The following ASPH variants were observed in gnomAD, a reference collection of about 807,000 sequenced individuals.
ASPH encodes aspartate beta-hydroxylase, also known as aspartyl/asparaginyl beta-hydroxylase.
A neutral mutation model predicts 118.4 loss-of-function variants in ASPH; 100 were observed. The ratio of observed to expected loss-of-function variants is 0.84; its 90% CI spans 0.72 to 1.00. The LOEUF (loss-of-function observed/expected upper bound fraction) is 1.00, where lower values mean the gene tolerates loss of function less well. Among genes scored for constraint, ASPH ranks in the 50% least tolerant of loss-of-function variants. The pLI is 0.00. For missense variants in ASPH, 920 were observed against 919.5 expected (o/e 1.00, Z -0.01); for synonymous variants, 315 against 325.6 (o/e 0.97, Z 0.35).
At chr8:61,661,677 C>A (rs780648048) in intron 3 of ASPH, 4 of 303,312 alleles carry the variant, frequency 1.3e-5, no homozygotes, top group Non-Finnish European at 2.4e-5. Context: ...TACTTCTTTT[C>A]TTTTTCAATG....
chr8:61,620,245 GAGA>G lies in ASPH; in HGVS notation c.935-1229_935-1227del, dbSNP rs562679573. 1.2e-3 allele frequency among the ~76,000 whole-genome samples: 179 copies of G among 152,256 alleles called. 1 individual carries two copies. The highest frequency in any genetic ancestry group is 6.0e-3 in the South Asian group (29 of 4,814). ...TTCTCTTGTCTTCTCACACCCTGTG[GAGA>G]AGGTCTTACCTCCCTCTTTGTGCAT... On this transcript the variant is annotated intron_variant, in intron 13 of 24. Coordinates refer to ENST00000379454, the MANE Select transcript of ASPH (RefSeq NM_004318.4).
chr8:61,521,401 AC>A (rs79096169), intron 22 of ASPH, among the ~76,000 whole-genome samples: 40,968 of 151,976 alleles, frequency 0.27, 7,631 homozygotes, highest in African/African-American at 0.5. Context: ...CCTAGTAACA[AC>A]CCCATACTTG....
chr8:61,576,710 T>A (rs1346059782), intron 16 of ASPH, 62 bp downstream of exon 16: 2 of 1,447,684 alleles, frequency 1.4e-6, no homozygotes, highest in Non-Finnish European at 9.4e-7. Flanking sequence ...GAGTAAAAAA[T>A]TCAATCACAC....
At chr8:61,653,013 C>G (rs1158330353) in intron 4 of ASPH, among the ~76,000 whole-genome samples, 1 of 152,160 alleles carries the variant, frequency 6.6e-6, no homozygotes, top group Admixed American at 6.5e-5. Context: ...GATTTACTAA[C>G]TTATTAAAAT....
chr8:61,514,326 T>TC (rs1409962900), intron 24 of ASPH, among the ~76,000 whole-genome samples: 6 of 151,870 alleles, frequency 4.0e-5, no homozygotes, highest in Admixed American at 1.3e-4. Flanking sequence ...TTTTTTTTTT[T>TC]AATTTTAGAC....
chr8:61,590,556 G>C (rs980602568), intron 14 of ASPH, among the ~76,000 whole-genome samples: 19 of 132,710 alleles, frequency 1.4e-4, no homozygotes, highest in Non-Finnish European at 2.5e-4. Context: ...AACTCTGTGT[G>C]TGTGTGTGTG....
chr8:61,637,967 T>A lies in ASPH; in HGVS notation c.869A>T (p.Asp290Val), dbSNP rs1280039637. The change falls in exon 12 of 25, where the codon GAT (aspartate) becomes GTT (valine). Residue 290 changes from aspartate (D) to valine (V), a missense_variant. Physicochemically the swap from Asp to Val is radical, Grantham distance 152. Coordinates refer to ENST00000379454, the MANE Select transcript of ASPH (RefSeq NM_004318.4). ...CTTACCTTCTACAATTACCTGTGAA[T>A]CTTCTACAGGATTATCCTCAGGGGG... is the stretch of plus-strand genomic sequence containing the variant. ...TAPPEDNPVE[D>V]SQVIVEEVSI... 1 of 1,610,192 alleles carries A rather than the reference T, an allele frequency of 6.2e-7. No individual in the cohort carries two copies. The highest frequency in any genetic ancestry group is 2.2e-5 in the East Asian group (1 of 44,748).
At chr8:61,565,085 G>A (rs1027873241) in intron 17 of ASPH, among the ~76,000 whole-genome samples, 5 of 152,158 alleles carry the variant, frequency 3.3e-5, no homozygotes, top group African/African-American at 1.2e-4. Flanking sequence ...TCCAGAGGAT[G>A]GTATATGATG....
At chr8:61,610,282 T>C (rs150625840) in intron 14 of ASPH, among the ~76,000 whole-genome samples, 2 of 152,320 alleles carry the variant, frequency 1.3e-5, no homozygotes, top group African/African-American at 4.8e-5. Context: ...ACAGGTGTCC[T>C]AAATTATCAC....
rs541936603 is a variant in ASPH, at chr8:61,669,234, A to G, written c.322+11734T>C. Among the ~76,000 whole-genome samples, 6 of 152,352 alleles carry G rather than the reference A, an allele frequency of 3.9e-5. No individual in the cohort carries two copies. The South Asian group carries it at 6.2e-4, about 16-fold the overall frequency. On this transcript the variant is annotated intron_variant, in intron 3 of 24. Coordinates refer to ENST00000379454, the MANE Select transcript of ASPH (RefSeq NM_004318.4). ...GTTTCTCAAAACTTCTACTTTCAGT[A>G]TTAGATGTCTGTTCTATTATATTGT...
intron 24 of ASPH, among the ~76,000 whole-genome samples, chr8:61,506,494 A>G (rs1370711031): frequency 6.6e-6 from 1 of 152,232 alleles, no homozygotes; most frequent in Non-Finnish European, 1.5e-5. Flanking sequence ...GTATTTTACT[A>G]CAATTAAATA....
At chr8:61,554,115 GTCAAAGGAAATGTAAGGAGA>G (rs1242438093) in intron 19 of ASPH, among the ~76,000 whole-genome samples, 1 of 152,170 alleles carries the variant, frequency 6.6e-6, no homozygotes, top group Non-Finnish European at 1.5e-5. Flanking sequence ...GCCATCCTAT[GTCAAAGGAAATGTAAGGAGA>G]CACTTTAAAT....
At chr8:61,529,822 C>G (rs540589964) in intron 21 of ASPH, among the ~76,000 whole-genome samples, 147 of 152,302 alleles carry the variant, frequency 9.7e-4, no homozygotes, top group Admixed American at 1.8e-3. Flanking sequence ...CTTCTAGCTG[C>G]CTCGACAAAT....
In ASPH at chr8:61,507,443, T is replaced by C. The variant is rs1310118968; in HGVS notation, c.2127-3934A>G. 6.6e-5 allele frequency among the ~76,000 whole-genome samples: 10 copies of C among 152,232 alleles called. 1 individual carries two copies. The highest frequency in any genetic ancestry group is 5.9e-4 in the Admixed American group (9 of 15,288). ...ACATTTCCCCAGAAAATAGCAAAGA[T>C]AGTCAATAACATAATGTAGATTTTT... is the stretch of plus-strand genomic sequence containing the variant. On this transcript the variant is annotated intron_variant, in intron 24 of 24. Coordinates refer to ENST00000379454, the MANE Select transcript of ASPH (RefSeq NM_004318.4).
chr8:61,619,084 G>T, intron 13 of ASPH, 65 bp from the exon 14 acceptor site: 1 of 1,127,870 alleles, frequency 8.9e-7, no homozygotes, highest in Non-Finnish European at 1.3e-6. Context: ...TCAAAATATA[G>T]GACAATATTT....
Position 61,517,508 on chromosome 8 carries a change from G to A in ASPH, c.2126+20C>T, listed in dbSNP as rs372763125. ...CATCCTCTGAGGTGACGGATATGAC[G>A]GATAACAGAGGACCCATACTTGGTC... is the stretch of plus-strand genomic sequence containing the variant. On this transcript the variant is annotated intron_variant, in intron 24 of 24. Coordinates refer to ENST00000379454, the MANE Select transcript of ASPH (RefSeq NM_004318.4). 7.4e-6 allele frequency: 12 copies of A among 1,611,602 alleles called. No homozygotes were observed. Among genetic ancestry groups the A allele is most frequent in the Admixed American group, 5.0e-5 (3 of 59,920 alleles).
At chr8:61,664,380 AC>A in intron 3 of ASPH, 1 of 975,712 alleles carries the variant, frequency 1.0e-6, no homozygotes, top group Non-Finnish European at 1.2e-6. Context: ...AATAATTAAA[AC>A]CTTTCTATAG....
chr8:61,681,146 T>C (rs1827847251), intron 2 of ASPH, 110 bp from the exon 3 acceptor site: 1 of 795,528 alleles, frequency 1.3e-6, no homozygotes, highest in Non-Finnish European at 1.9e-6. Context: ...TACCAATTAA[T>C]ACAATTCTTT....
intron 1 of ASPH, among the ~76,000 whole-genome samples, chr8:61,712,822 C>T (rs1191959498): frequency 6.6e-6 from 1 of 152,178 alleles, no homozygotes; most frequent in Non-Finnish European, 1.5e-5. Flanking sequence ...TCCTCATAAA[C>T]ACAAAAATGA....
Sources: gnomAD v4.1 joint callset for allele counts (sites outside exome capture counted in the v4.1 genomes callset) on GRCh38, gnomAD v4.1.1 for gene constraint, MANE v1.5 for transcripts, NCBI Gene and HGNC (gene_info 2026-07-23, HGNC 2026-07-21) for gene names.